Variants in LRP6 observed in about 807,000 individuals in gnomAD.
LRP6 encodes the protein low-density lipoprotein receptor-related protein 6.
Under a neutral mutation model 184.1 loss-of-function variants are expected in LRP6, and 43 were observed. The ratio of observed to expected loss-of-function variants is 0.23; its 90% CI spans 0.18 to 0.30. The LOEUF (loss-of-function observed/expected upper bound fraction) is 0.30, where lower values mean the gene tolerates loss of function less well. Ranked by LOEUF, LRP6 falls within the 10% of genes least tolerant of loss-of-function variation. The probability of loss-of-function intolerance (pLI) is 1.00; values close to 1 mark genes in which losing one functional copy is unlikely to be tolerated. For synonymous variants in LRP6, 719 were observed against 684.9 expected (o/e 1.05, Z -0.78); for missense variants, 1,571 against 2,005.3 (o/e 0.78, Z 4.14).
In LRP6 at chr12:12,182,922, C is replaced by T. The variant is rs1002321895; in HGVS notation, c.976+1058G>A. On this transcript the variant is annotated intron_variant, in intron 5 of 22. Coordinates refer to ENST00000261349, the MANE Select transcript of LRP6 (RefSeq NM_002336.3). Reference sequence around the variant, plus strand: ...GTACACTTGCACTGCTGTGAGGGAGCAGATAGACCATTATTGCTAAAATAA... The same window carrying T: ...GTACACTTGCACTGCTGTGAGGGAGTAGATAGACCATTATTGCTAAAATAA... 2.0e-5 allele frequency among the ~76,000 whole-genome samples: 3 copies of T among 152,310 alleles called. No individual in the cohort carries two copies. The South Asian group carries it at 6.2e-4, about 32-fold the overall frequency.
chr12:12,210,561 G>A (rs1864182836), intron 2 of LRP6, among the ~76,000 whole-genome samples: 1 of 152,250 alleles, frequency 6.6e-6, no homozygotes, highest in Middle Eastern at 3.4e-3. Context: ...ACAGTAACAG[G>A]GCAAAATAAA....
chr12:12,213,137 C>T (rs1864252828), intron 2 of LRP6, among the ~76,000 whole-genome samples: 1 of 152,092 alleles, frequency 6.6e-6, no homozygotes, highest in Admixed American at 6.5e-5. Flanking sequence ...ATACTTTCTT[C>T]CCTAAGGAAT....
intron 3 of LRP6, among the ~76,000 whole-genome samples, chr12:12,188,717 T>A (rs2137009069): frequency 6.6e-6 from 1 of 152,334 alleles, no homozygotes; most frequent in African/African-American, 2.4e-5. Context: ...TCCTTCTAAT[T>A]TCCCAAAGAG....
Position 12,257,779 on chromosome 12 carries a change from C to CAAAAAAAAAAAAAAAAAAAAAAAA in LRP6, c.55+8878_55+8901dup, listed in dbSNP as rs1163180718. On this transcript the variant is annotated intron_variant, in intron 1 of 22. Coordinates refer to ENST00000261349, the MANE Select transcript of LRP6 (RefSeq NM_002336.3). ...GCAACATAGTAAGACCCTGTCTCTA[C>CAAAAAAAAAAAAAAAAAAAAAAAA]AAAAAAAAAAAAAAAAAAAAAAAAA... is the stretch of plus-strand genomic sequence containing the variant. Among the ~76,000 whole-genome samples the CAAAAAAAAAAAAAAAAAAAAAAAA allele has an allele frequency of 1.1e-4, 4 of 35,320 alleles. 1 individual carries two copies. Among genetic ancestry groups the CAAAAAAAAAAAAAAAAAAAAAAAA allele is most frequent in the African/African-American group, 3.3e-4 (3 of 9,094 alleles). 23.2% of individuals were successfully genotyped at this position (35,320 alleles called of 152,430 possible). A position where few individuals can be genotyped will look rare whatever the true frequency, so the allele number is the denominator to read the frequency against.
In LRP6 at chr12:12,205,325, C is replaced by CAAAAAA. The variant is rs1334062234; in HGVS notation, c.450-1926_450-1925insTTTTTT. ...CAACAGAATAAGACTCTGTCTCAAA[C>CAAAAAA]AAACAAAAAAAAAAAAAAAAAAAAA... is the stretch of plus-strand genomic sequence containing the variant. On this transcript the variant is annotated intron_variant, in intron 2 of 22. Coordinates refer to ENST00000261349, the MANE Select transcript of LRP6 (RefSeq NM_002336.3). Among the ~76,000 whole-genome samples the CAAAAAA allele has an allele frequency of 3.9e-3, 102 of 26,194 alleles. 9 individuals carry two copies. The highest frequency in any genetic ancestry group is 9.4e-3 in the African/African-American group (98 of 10,432). The allele number at this position is 26,194 out of a possible 152,430, so 17.2% of individuals were successfully genotyped here. A position where few individuals can be genotyped will look rare whatever the true frequency, so the allele number is the denominator to read the frequency against.
chr12:12,219,261 G>T, intron 2 of LRP6, among the ~76,000 whole-genome samples: 2 of 152,186 alleles, frequency 1.3e-5, no homozygotes, highest in South Asian at 2.1e-4. Context: ...CTGGAGTGCA[G>T]TGGCACCGTC....
chr12:12,211,454 T>C (rs1446499410), intron 2 of LRP6, among the ~76,000 whole-genome samples: 1 of 151,518 alleles, frequency 6.6e-6, no homozygotes, highest in Non-Finnish European at 1.5e-5. Context: ...AAAAAGAGAG[T>C]CTGGAATGGA....
chr12:12,158,373 T>G lies in LRP6; in HGVS notation c.2791+456A>C, dbSNP rs143724240. ...AAGAATCTCTCTGTGTCACCCAGGCTGGAATGCAGTGGTGCCACCATAGCT... is the reference window on the plus strand; with the variant it reads ...AAGAATCTCTCTGTGTCACCCAGGCGGGAATGCAGTGGTGCCACCATAGCT... On this transcript the variant is annotated intron_variant, in intron 12 of 22. Coordinates refer to ENST00000261349, the MANE Select transcript of LRP6 (RefSeq NM_002336.3). Among the ~76,000 whole-genome samples the G allele has an allele frequency of 2.1e-4, 32 of 152,286 alleles. No homozygotes were observed. In the East Asian group the frequency reaches 6.2e-3, roughly 29 times the overall value.
At chr12:12,206,688 G>C (rs1297573391) in intron 2 of LRP6, among the ~76,000 whole-genome samples, 2 of 152,008 alleles carry the variant, frequency 1.3e-5, no homozygotes, top group Non-Finnish European at 2.9e-5. Flanking sequence ...CAGGAGGACT[G>C]TCTGAGTCCA....
Position 12,123,723 on chromosome 12 carries a change from T to C in LRP6, c.4547+842A>G, listed in dbSNP as rs75901415. Among the ~76,000 whole-genome samples, 1,346 of 152,292 alleles carry C rather than the reference T, an allele frequency of 8.8e-3. 24 individuals carry two copies. Among genetic ancestry groups the C allele is most frequent in the African/African-American group, 0.031 (1,299 of 41,564 alleles). On this transcript the variant is annotated intron_variant, in intron 22 of 22. Coordinates refer to ENST00000261349, the MANE Select transcript of LRP6 (RefSeq NM_002336.3). The stretch of plus-strand genomic sequence containing the variant: ...CAACACACTTTATAGACTCATAAAT[T>C]AGCAAAAAGGAATAATTTTCTCTTT...
chr12:12,125,030 T>C (rs1258224731), intron 21 of LRP6, among the ~76,000 whole-genome samples: 1 of 152,200 alleles, frequency 6.6e-6, no homozygotes, highest in African/African-American at 2.4e-5. Flanking sequence ...CCCTAATCCC[T>C]CAATAGGTAC....
chr12:12,171,642 A>G (rs1179556210), intron 7 of LRP6, among the ~76,000 whole-genome samples: 1 of 152,244 alleles, frequency 6.6e-6, no homozygotes, highest in African/African-American at 2.4e-5. Flanking sequence ...TTAAGGGATC[A>G]CCAGCTTAAA....
At chr12:12,180,081 T>G (rs1228717537) in intron 6 of LRP6, 100 bp from the exon 7 acceptor site, 1 of 920,988 alleles carries the variant, frequency 1.1e-6, no homozygotes, top group African/African-American at 1.7e-5. Context: ...ACTGGTATCA[T>G]CAGTTAATGC....
chr12:12,235,315 T>C (rs1864903824), intron 2 of LRP6, among the ~76,000 whole-genome samples: 2 of 152,166 alleles, frequency 1.3e-5, no homozygotes, highest in Non-Finnish European at 1.5e-5. Flanking sequence ...TAGACTGGAA[T>C]TGGCGATAAC....
chr12:12,116,286 T>C lies in LRP6; in HGVS notation c.*4840A>G, dbSNP rs1242342350. On this transcript the variant is annotated 3_prime_UTR_variant, in exon 23 of 23. Transcript: ENST00000261349. ...GAAACACCAGTTGACTTTAAGACAA[T>C]GACGAAGATTAAAGCTTAAGGGAAA... 5 of 152,082 alleles carry C rather than the reference T, an allele frequency of 3.3e-5. No individual in the cohort carries two copies. The highest frequency in any genetic ancestry group is 7.4e-5 in the Non-Finnish European group (5 of 68,006). The allele number at this position is 152,082 out of a possible 1,614,324, so 9.4% of individuals were successfully genotyped here.
chr12:12,226,576 G>A (rs1201772356), intron 2 of LRP6: 1 of 152,108 alleles, frequency 6.6e-6, no homozygotes, highest in South Asian at 2.1e-4. Context: ...TCATGGTTGA[G>A]GAATCTGAGC....
At chr12:12,135,114 G>C in intron 17 of LRP6, 61 bp downstream of exon 17, 1 of 1,610,658 alleles carries the variant, frequency 6.2e-7, no homozygotes, top group Non-Finnish European at 8.5e-7. Flanking sequence ...TAGAAGTCTA[G>C]GCTTAAGATA....
At chr12:12,250,385 C>T (rs1865296068) in intron 1 of LRP6, among the ~76,000 whole-genome samples, 2 of 152,200 alleles carry the variant, frequency 1.3e-5, no homozygotes, top group South Asian at 2.1e-4. Flanking sequence ...GCAAGTCCTT[C>T]AAGGCCAGAG....
At chr12:12,195,516 G>A (rs927471965) in intron 3 of LRP6, among the ~76,000 whole-genome samples, 4 of 151,628 alleles carry the variant, frequency 2.6e-5, no homozygotes, top group Admixed American at 2.0e-4. Flanking sequence ...ATGTCTATTC[G>A]GATCATTTCC....
Sources: allele counts gnomAD v4.1 joint callset (sites outside exome capture counted in the v4.1 genomes callset), GRCh38; gene constraint gnomAD v4.1.1; transcripts MANE v1.5; gene names NCBI Gene and HGNC (gene_info 2026-07-23, HGNC 2026-07-21).